The following CACNA1C variants were observed in gnomAD, a reference collection of about 807,000 sequenced individuals.
The protein encoded by CACNA1C is calcium voltage-gated channel subunit alpha1 C.
In CACNA1C, 30 loss-of-function variants were observed where a neutral mutation model predicts 229.0. The observed-to-expected ratio is 0.13, with a 90% CI of 0.10 to 0.18. CACNA1C has a LOEUF of 0.18. Ranked by LOEUF, CACNA1C falls within the 10% of genes least tolerant of loss-of-function variation. The pLI, the probability that CACNA1C is intolerant of heterozygous loss-of-function variation, is 1.00. For synonymous variants in CACNA1C, 1,114 were observed against 1,132.5 expected, an observed-to-expected ratio of 0.98 and a Z score of 0.33; for missense variants, 1,658 against 2,845.0, an observed-to-expected ratio of 0.58 and a Z score of 9.49.
At chr12:2,524,783 C>T (rs1267524231) in intron 9 of CACNA1C, among the ~76,000 whole-genome samples, 1 of 152,204 alleles carries the variant, frequency 6.6e-6, no homozygotes, top group African/African-American at 2.4e-5. Flanking sequence ...GCTCGCGACA[C>T]ACCATCGGCC....
intron 1 of CACNA1C, among the ~76,000 whole-genome samples, chr12:2,075,737 A>C (rs2062960712): frequency 6.6e-6 from 1 of 152,202 alleles, no homozygotes; most frequent in Non-Finnish European, 1.5e-5. Flanking sequence ...TCCTTGTCCC[A>C]ACCTCAGATG....
intron 29 of CACNA1C, among the ~76,000 whole-genome samples, chr12:2,618,415 A>T (rs2081699723): frequency 6.6e-6 from 1 of 152,222 alleles, no homozygotes; most frequent in Admixed American, 6.5e-5. Flanking sequence ...GCCAATGGTG[A>T]CAGAAACAGC....
At chr12:2,604,533 T>C (rs1568720529) in intron 22 of CACNA1C, among the ~76,000 whole-genome samples, 1 of 152,184 alleles carries the variant, frequency 6.6e-6, no homozygotes, top group African/African-American at 2.4e-5. Context: ...TTCCTTTAAG[T>C]GTAGTAACGT....
At chr12:2,021,072 C>T (rs1020273797) in intron 1 of CACNA1C, among the ~76,000 whole-genome samples, 3 of 152,282 alleles carry the variant, frequency 2.0e-5, no homozygotes, top group Non-Finnish European at 2.9e-5. Context: ...CTGGATACTG[C>T]GTTCACAAAT....
At chr12:1,997,100 CT>C (rs145159346) in intron 1 of CACNA1C, among the ~76,000 whole-genome samples, 22,362 of 152,120 alleles carry the variant, frequency 0.15, 1,794 homozygotes, top group East Asian at 0.21. Flanking sequence ...ATATTAATAT[CT>C]GATAACAAGA....
chr12:2,168,132 A>G (rs4489806), intron 3 of CACNA1C, among the ~76,000 whole-genome samples: 5,545 of 152,234 alleles, frequency 0.036, 152 homozygotes, highest in South Asian at 0.09. Flanking sequence ...CAGCTTAAAG[A>G]AAGGCAGAGG....
intron 13 of CACNA1C, among the ~76,000 whole-genome samples, chr12:2,572,335 CTTCT>C (rs2055207702): frequency 2.6e-5 from 1 of 38,402 alleles, no homozygotes; most frequent in African/African-American, 9.5e-5. Flanking sequence ...TCCTCCTTCT[CTTCT>C]TCCTCCTCCT....
intron 3 of CACNA1C, among the ~76,000 whole-genome samples, chr12:2,255,913 C>CCTGACCTGACTAGTTTACAATCACACGAT (rs2077382152): frequency 7.6e-4 from 1 of 1,324 alleles, no homozygotes. Flanking sequence ...AATCACACGA[C>CCTGACCTGACTAGTTTACAATCACACGAT]CCTGACCTTA....
At chr12:2,244,972 A>G (rs1201511950) in intron 3 of CACNA1C, among the ~76,000 whole-genome samples, 2 of 152,156 alleles carry the variant, frequency 1.3e-5, no homozygotes, top group Non-Finnish European at 2.9e-5. Flanking sequence ...TGACATTCCC[A>G]CAGGGTTTTT....
At chr12:2,520,106 G>A (rs113351201) in intron 9 of CACNA1C, among the ~76,000 whole-genome samples, 49 of 151,008 alleles carry the variant, frequency 3.2e-4, no homozygotes, top group Admixed American at 1.3e-3. Context: ...CCCAATGGCC[G>A]TGTGCTTCAG....
chr12:2,501,224 A>AAAAAAAAAAAG, intron 7 of CACNA1C, among the ~76,000 whole-genome samples: 2 of 150,742 alleles, frequency 1.3e-5, no homozygotes, highest in East Asian at 1.9e-4. Context: ...AAAAAAAAAA[A>AAAAAAAAAAAG]AAAAAAAAAA....
intron 3 of CACNA1C, among the ~76,000 whole-genome samples, chr12:2,185,937 G>A (rs778853627): frequency 5.3e-5 from 8 of 152,042 alleles, no homozygotes; most frequent in African/African-American, 7.3e-5. Context: ...GTCCCGTGCC[G>A]AGCGCCCAAT....
intron 3 of CACNA1C, among the ~76,000 whole-genome samples, chr12:2,443,358 A>C (rs1000114366): frequency 1.7e-4 from 26 of 152,240 alleles, no homozygotes; most frequent in African/African-American, 6.3e-4. Flanking sequence ...CGTGTCCCAC[A>C]TCCAGGGCAC....
chr12:2,041,470 G>T lies in CACNA1C; in HGVS notation c.139+70269G>T, dbSNP rs530010154. Among the ~76,000 whole-genome samples the T allele has an allele frequency of 5.3e-3, 801 of 151,992 alleles. 10 individuals carry two copies. The highest frequency in any genetic ancestry group is 0.018 in the African/African-American group (736 of 41,456). On this transcript the variant is annotated intron_variant, in intron 1 of 46. Coordinates refer to the CACNA1C transcript ENST00000682462. The stretch of plus-strand genomic sequence containing the variant: ...TTTTTGTATTTTTAGTAGAGACGGG[G>T]TTTCACCATGTTCGCCAGGATGGTC...
rs1323922344 is a variant in CACNA1C at position 1,971,808 on chromosome 12, TTC to T, written c.139+609_139+610del. The stretch of plus-strand genomic sequence containing the variant: ...TCTCATTTATGTTCCTAATAAATAT[TTC>T]TGTTTGATCTGTTCTTTTAAGATAT... On this transcript the variant is annotated intron_variant, in intron 1 of 46. Coordinates refer to the CACNA1C transcript ENST00000682462. The surrounding 1 kb of genome is among the most constrained non-coding windows in gnomAD (Gnocchi z 4.2). Among the ~76,000 whole-genome samples the T allele has an allele frequency of 6.6e-6, 1 of 152,254 alleles. No homozygotes were observed. The highest frequency in any genetic ancestry group is 2.4e-5 in the African/African-American group (1 of 41,466).
At chr12:2,397,829 G>A (rs2098610008) in intron 3 of CACNA1C, among the ~76,000 whole-genome samples, 1 of 152,240 alleles carries the variant, frequency 6.6e-6, no homozygotes, top group Non-Finnish European at 1.5e-5. Flanking sequence ...GGTAGGGAGG[G>A]GCAGTCAGGA....
At chr12:2,149,837 G>A (rs1565991683) in intron 3 of CACNA1C, among the ~76,000 whole-genome samples, 2 of 152,184 alleles carry the variant, frequency 1.3e-5, no homozygotes. Flanking sequence ...CTGACCTGGG[G>A]CCCAGGCTGA....
chr12:2,447,347 G>A (rs1308184179), intron 3 of CACNA1C, among the ~76,000 whole-genome samples: 1 of 152,170 alleles, frequency 6.6e-6, no homozygotes, highest in Non-Finnish European at 1.5e-5. Flanking sequence ...GGACGAATCT[G>A]CCTCTGAGAT....
chr12:2,372,454 G>A (rs946081760), intron 3 of CACNA1C, among the ~76,000 whole-genome samples: 19 of 152,144 alleles, frequency 1.2e-4, no homozygotes, highest in African/African-American at 4.6e-4. Flanking sequence ...TGCACCTTAT[G>A]ACACAGGCAG....
Sources: gnomAD v4.1 joint callset for allele counts (sites outside exome capture counted in the v4.1 genomes callset) on GRCh38, gnomAD v4.1.1 for gene constraint, Gnocchi (gnomAD v3.1) non-coding constraint, MANE v1.5 for transcripts, NCBI Gene and HGNC (gene_info 2026-07-23, HGNC 2026-07-21) for gene names.